CFAP20DC: variants seen among roughly 807,000 people sequenced by gnomAD.
CFAP20DC encodes the protein CFAP20 domain containing, also known as protein CFAP20DC.
In CFAP20DC, 84 loss-of-function variants were observed where a neutral mutation model predicts 101.7. The ratio of observed to expected loss-of-function variants is 0.83; its 90% confidence interval spans 0.69 to 0.99. The LOEUF is 0.99. CFAP20DC is among the 50% of genes least tolerant of loss of function. The pLI, the probability that CFAP20DC is intolerant of heterozygous loss-of-function variation, is 0.00. For missense variants in CFAP20DC, 1,007 were observed against 970.3 expected (o/e 1.04, Z -0.50); for synonymous variants, 359 against 351.2 (o/e 1.02, Z -0.25).
chr3:58,980,112 C>A (rs2092462287), intron 4 of CFAP20DC, among the ~76,000 whole-genome samples: 1 of 152,146 alleles, frequency 6.6e-6, no homozygotes, highest in Admixed American at 6.6e-5. Flanking sequence ...ATGTAAGGAC[C>A]TGCTAAATGT....
chr3:58,862,464 T>C (rs2079330238), intron 12 of CFAP20DC: 2 of 985,432 alleles, frequency 2.0e-6, no homozygotes, highest in African/African-American at 3.5e-5. Context: ...AGGTTATGTT[T>C]GGTATGACTA....
At chr3:58,821,363 C>T (rs892317277) in intron 14 of CFAP20DC, among the ~76,000 whole-genome samples, 4 of 151,968 alleles carry the variant, frequency 2.6e-5, no homozygotes, top group Non-Finnish European at 5.9e-5. Context: ...AGGCAACCTA[C>T]AAAATGGGAG....
rs914888164 is a variant in CFAP20DC at position 58,724,044 on chromosome 3, A to C, written c.198-6416T>G. 1.1e-4 allele frequency among the ~76,000 whole-genome samples: 16 copies of C among 152,188 alleles called. No homozygotes were observed. The highest frequency in any genetic ancestry group is 3.9e-4 in the African/African-American group (16 of 41,446). ...TCTTGGGGAAGTAACATAGATACAAATCCTTCATTCCAGGATGCTGAGGTT... is the reference window on the plus strand; with the variant it reads ...TCTTGGGGAAGTAACATAGATACAACTCCTTCATTCCAGGATGCTGAGGTT... On this transcript the variant is annotated intron_variant, in intron 3 of 3. Transcript: ENST00000486145. This position sits in a 1 kb window ranked among gnomAD's most constrained non-coding sequence, Gnocchi z 5.6.
chr3:58,958,299 A>T (rs1163073239), intron 4 of CFAP20DC, among the ~76,000 whole-genome samples: 1 of 152,212 alleles, frequency 6.6e-6, no homozygotes, highest in African/African-American at 2.4e-5. Context: ...AATATTTTGC[A>T]TCTGGCTTCT....
chr3:58,862,825 C>T (rs933471850), intron 12 of CFAP20DC: 14 of 985,046 alleles, frequency 1.4e-5, no homozygotes, highest in African/African-American at 5.2e-5. Context: ...GAATGACCAT[C>T]GTTAAAAATA....
intron 4 of CFAP20DC, among the ~76,000 whole-genome samples, chr3:59,012,259 A>T (rs2093600091): frequency 6.6e-6 from 1 of 152,226 alleles, no homozygotes; most frequent in Non-Finnish European, 1.5e-5. Context: ...ATGGAGATGA[A>T]AAAAAGGGTA....
At chr3:58,968,050 T>A (rs982823379) in intron 4 of CFAP20DC, among the ~76,000 whole-genome samples, 11 of 152,276 alleles carry the variant, frequency 7.2e-5, no homozygotes, top group African/African-American at 2.7e-4. Flanking sequence ...CTTGTTCTTT[T>A]TTATGGCTGC....
chr3:58,782,746 G>C (rs945773431), intron 15 of CFAP20DC, among the ~76,000 whole-genome samples: 1 of 151,958 alleles, frequency 6.6e-6, no homozygotes, highest in Non-Finnish European at 1.5e-5. Context: ...ACAAAACACT[G>C]ATGAAAGAAA....
chr3:58,819,094 G>C (rs1399480169), intron 14 of CFAP20DC, among the ~76,000 whole-genome samples: 1 of 148,632 alleles, frequency 6.7e-6, no homozygotes, highest in African/African-American at 2.5e-5. Flanking sequence ...TGAAACCAAC[G>C]AGAACAAAGA....
At chr3:59,017,672 C>T (rs1484539745) in intron 4 of CFAP20DC, 1 of 152,092 alleles carries the variant, frequency 6.6e-6, no homozygotes, top group African/African-American at 2.4e-5. Flanking sequence ...CCAGGTTAAA[C>T]AGCTATTACT....
Position 59,039,585 on chromosome 3 carries a change from G to C in CFAP20DC, c.250C>G (p.Leu84Val). ...RFLVLQIYVPLGQDFSTELLI... is the reference protein window; with the variant it reads ...RFLVLQIYVPVGQDFSTELLI... ...AATTCAGTGGAGAAGTCTTGTCCCA[G>C]GGGTACGTAAATCTGAAGTACAAGA... Residue 84 changes from leucine to valine, a missense_variant, in exon 4 of 17, where the codon CTG (leucine) becomes GTG (valine). Physicochemically the swap from Leu to Val is conservative, Grantham distance 32. Transcript: ENST00000482387. The C allele has an allele frequency of 6.5e-7, 1 of 1,527,214 alleles. No individual in the cohort carries two copies. Among genetic ancestry groups the C allele is most frequent in the Non-Finnish European group, 8.8e-7 (1 of 1,141,682 alleles). 94.6% of individuals were successfully genotyped at this position (1,527,214 alleles called of 1,614,324 possible).
At chr3:58,871,756 G>A (rs559884783) in intron 7 of CFAP20DC, among the ~76,000 whole-genome samples, 1 of 152,076 alleles carries the variant, frequency 6.6e-6, no homozygotes, top group African/African-American at 2.4e-5. Flanking sequence ...TCGAACTCCT[G>A]ACCTCAAGTG....
At chr3:58,828,738 T>C (rs147597522) in intron 14 of CFAP20DC, among the ~76,000 whole-genome samples, 1 of 152,066 alleles carries the variant, frequency 6.6e-6, no homozygotes, top group African/African-American at 2.4e-5. Context: ...TGTACCCCAG[T>C]CTTCAGTATC....
chr3:58,910,865 T>C (rs1368902384), intron 6 of CFAP20DC, among the ~76,000 whole-genome samples: 1 of 151,876 alleles, frequency 6.6e-6, no homozygotes, highest in Non-Finnish European at 1.5e-5. Context: ...TGATACCCAA[T>C]GTCCATCATT....
chr3:59,042,803 T>G (rs763542951), intron 3 of CFAP20DC, among the ~76,000 whole-genome samples: 4 of 152,180 alleles, frequency 2.6e-5, no homozygotes, highest in Non-Finnish European at 4.4e-5. Flanking sequence ...GAGATACTGG[T>G]GGCTTTGGCC....
intron 4 of CFAP20DC, among the ~76,000 whole-genome samples, chr3:59,004,852 A>G (rs2093398852): frequency 6.6e-6 from 1 of 152,204 alleles, no homozygotes; most frequent in South Asian, 2.1e-4. Context: ...ATTAGTGGAT[A>G]CCAACCACAG....
intron 15 of CFAP20DC, among the ~76,000 whole-genome samples, chr3:58,756,027 A>G (rs56252413): frequency 0.024 from 3,710 of 152,280 alleles, 155 homozygotes; most frequent in African/African-American, 0.084. Flanking sequence ...GAATACAGCC[A>G]TGCTCATTTG....
Position 58,975,002 on chromosome 3 carries a change from C to T in CFAP20DC, c.279-37240G>A, listed in dbSNP as rs147659592. 1.8e-4 allele frequency among the ~76,000 whole-genome samples: 28 copies of T among 152,238 alleles called. No individual in the cohort carries two copies. The Middle Eastern group carries it at 0.01, about 55-fold the overall frequency. On this transcript the variant is annotated intron_variant, in intron 4 of 16. Transcript: ENST00000482387. Reference sequence around the variant, plus strand: ...CCTCTTGAACCTGGTGCCTTCCCTACTGAGGTTAGTAGGAGTTCGGCAAAC... The same window carrying T: ...CCTCTTGAACCTGGTGCCTTCCCTATTGAGGTTAGTAGGAGTTCGGCAAAC...
Position 58,882,073 on chromosome 3 carries a change from G to A in CFAP20DC, c.715+2472C>T, listed in dbSNP as rs2081270101. 6.6e-6 allele frequency among the ~76,000 whole-genome samples: 1 copy of A among 152,132 alleles called. No homozygotes were observed. The highest frequency in any genetic ancestry group is 6.5e-5 in the Admixed American group (1 of 15,268). On this transcript the variant is annotated intron_variant, in intron 7 of 16. Transcript: ENST00000482387. The surrounding 1 kb of genome is among the most constrained non-coding windows in gnomAD (Gnocchi z 4.2). ...GTGCAATGAGATTTATTTAAGAAGTGCAATCATAAACCCTATGGTTACAAA... is the reference window on the plus strand; with the variant it reads ...GTGCAATGAGATTTATTTAAGAAGTACAATCATAAACCCTATGGTTACAAA...
Sources: gnomAD v4.1 joint callset for allele counts (sites outside exome capture counted in the v4.1 genomes callset) on GRCh38, gnomAD v4.1.1 for gene constraint, Gnocchi (gnomAD v3.1) non-coding constraint, MANE v1.5 for transcripts, NCBI Gene and HGNC (gene_info 2026-07-23, HGNC 2026-07-21) for gene names.